Variants in DYM observed in about 807,000 individuals in gnomAD.
DYM encodes the protein dyggve-Melchior-Clausen syndrome protein.
Under a neutral mutation model 93.1 loss-of-function variants are expected in DYM, and 78 were observed. That is an observed-to-expected ratio of 0.84 (90% CI 0.70 to 1.01). The LOEUF (loss-of-function observed/expected upper bound fraction) is 1.01, where lower values mean the gene tolerates loss of function less well. Ranked by LOEUF, DYM falls within the 50% of genes least tolerant of loss-of-function variation. The pLI is 0.00. For missense variants in DYM, 789 were observed against 845.0 expected, an observed-to-expected ratio of 0.93 and a Z score of 0.82; for synonymous variants, 321 against 319.7, an observed-to-expected ratio of 1.00 and a Z score of -0.04.
At chr18:49,144,063 T>G (rs763533226) in intron 15 of DYM, among the ~76,000 whole-genome samples, 6 of 152,122 alleles carry the variant, frequency 3.9e-5, no homozygotes, top group Non-Finnish European at 8.8e-5. Flanking sequence ...CTAATTAGGT[T>G]TTAAAAAAAG....
intron 17 of DYM, among the ~76,000 whole-genome samples, chr18:49,080,784 C>T (rs535087417): frequency 9.0e-5 from 13 of 143,774 alleles, no homozygotes; most frequent in East Asian, 8.9e-4. Context: ...ACTTCTCAGA[C>T]GGGGCGGATG....
At chr18:49,161,034 A>G (rs1171304185) in intron 15 of DYM, among the ~76,000 whole-genome samples, 3 of 152,152 alleles carry the variant, frequency 2.0e-5, no homozygotes, top group Non-Finnish European at 4.4e-5. Flanking sequence ...CAAGTTCATA[A>G]ACCCATTTGG....
rs957252242 is a variant in DYM, at chr18:49,164,455, G to A, written c.1626-668C>T. On this transcript the variant is annotated intron_variant, in intron 14 of 17. Coordinates refer to ENST00000675505, the MANE Select transcript of DYM (RefSeq NM_001353214.3). ...CCCCATAATGGTGAGCTTCTGTCTC[G>A]AGGAACATTGCAGACTATGGTCCAG... is the stretch of plus-strand genomic sequence containing the variant. Among the ~76,000 whole-genome samples, 11 of 152,248 alleles carry A rather than the reference G, an allele frequency of 7.2e-5. 1 individual carries two copies. The East Asian group carries it at 1.2e-3, about 16-fold the overall frequency.
At position 49,289,761 on chromosome 18, in the gene DYM, A is replaced by ATATATATACG. The variant is rs1568181283; in HGVS notation, c.764-3146_764-3145insCGTATATATA. Among the ~76,000 whole-genome samples the ATATATATACG allele has an allele frequency of 5.9e-3, 340 of 57,386 alleles. 4 individuals carry two copies. The highest frequency in any genetic ancestry group is 0.025 in the African/African-American group (330 of 13,202). The allele number at this position is 57,386 out of a possible 152,430, so 37.6% of individuals were successfully genotyped here. A position where few individuals can be genotyped will look rare whatever the true frequency, so the allele number is the denominator to read the frequency against. On this transcript the variant is annotated intron_variant, in intron 8 of 17. Transcript: ENST00000675505. ...TATATATATATATATATATATATAT[A>ATATATATACG]TATATATATATACACATATATATAT...
At chr18:49,259,937 G>C (rs1347908931) in intron 11 of DYM, among the ~76,000 whole-genome samples, 2 of 152,098 alleles carry the variant, frequency 1.3e-5, no homozygotes, top group Non-Finnish European at 2.9e-5. Flanking sequence ...ACTGAACAGG[G>C]AGAGCAAACA....
chr18:49,199,704 T>C (rs960786933), intron 14 of DYM, among the ~76,000 whole-genome samples: 1 of 152,212 alleles, frequency 6.6e-6, no homozygotes, highest in Non-Finnish European at 1.5e-5. Context: ...TATTTATTCA[T>C]TACAGATTAA....
rs150370062 is a variant in DYM, at chr18:49,428,984, T to C, written c.140+1271A>G. ...CTTACAGTTCTGTAGGTCAGAAGTC[T>C]GACACTCAATGAGCTAAGATCAGGA... On this transcript the variant is annotated intron_variant, in intron 2 of 17. Coordinates refer to ENST00000675505, the MANE Select transcript of DYM (RefSeq NM_001353214.3). Among the ~76,000 whole-genome samples, 925 of 152,358 alleles carry C rather than the reference T, an allele frequency of 6.1e-3. 5 individuals are homozygous for C. The highest frequency in any genetic ancestry group is 0.01 in the Non-Finnish European group (700 of 68,026).
At chr18:49,417,148 T>G (rs1327499084) in intron 2 of DYM, among the ~76,000 whole-genome samples, 1 of 152,040 alleles carries the variant, frequency 6.6e-6, no homozygotes, top group Non-Finnish European at 1.5e-5. Context: ...AGCGGTGGTG[T>G]TGGTGGTGGT....
chr18:49,391,468 T>C lies in DYM; in HGVS notation c.193+125A>G, dbSNP rs1036408639. 7.5e-4 allele frequency: 756 copies of C among 1,010,718 alleles called. 3 individuals carry two copies. Among genetic ancestry groups the C allele is most frequent in the Admixed American group, 1.3e-3 (70 of 55,378 alleles). The allele number at this position is 1,010,718 out of a possible 1,614,324, so 62.6% of individuals were successfully genotyped here. ...TAGCAGCATCTGTGAATGCCACAAA[T>C]AGAAAAAATTATTACTATTGCTATC... On this transcript the variant is annotated intron_variant, in intron 3 of 17. Coordinates refer to ENST00000675505, the MANE Select transcript of DYM (RefSeq NM_001353214.3).
chr18:49,430,449 T>A lies in DYM; in HGVS notation c.-53-2A>T. 1 of 1,603,602 alleles carries A rather than the reference T, an allele frequency of 6.2e-7. No individual in the cohort carries two copies. The highest frequency in any genetic ancestry group is 1.1e-5 in the South Asian group (1 of 90,520). ...AAACCTGCATTTCCAAAAGACAACC[T>A]ATAAAAAATAAAAATAAAAACTTTA... On this transcript the variant is annotated splice_acceptor_variant, in intron 1 of 17. Transcript: ENST00000675505. LOFTEE classifies it low-confidence loss of function (5UTR_SPLICE).
At chr18:49,147,001 T>C (rs1168885446) in intron 15 of DYM, among the ~76,000 whole-genome samples, 5 of 152,156 alleles carry the variant, frequency 3.3e-5, no homozygotes, top group Admixed American at 2.0e-4. Flanking sequence ...AACAGAGACA[T>C]AGACCAATGG....
At chr18:49,167,052 T>A (rs2087992940) in intron 14 of DYM, among the ~76,000 whole-genome samples, 1 of 150,500 alleles carries the variant, frequency 6.6e-6, no homozygotes, top group Non-Finnish European at 1.5e-5. Flanking sequence ...GTGTCCCCTA[T>A]TAGTGCACTA....
At chr18:49,080,992 C>T (rs562854526) in intron 17 of DYM, among the ~76,000 whole-genome samples, 172 of 149,986 alleles carry the variant, frequency 1.1e-3, no homozygotes, top group African/African-American at 4.0e-3. Flanking sequence ...GGATGGCGGC[C>T]GGGCAGAGAC....
chr18:49,387,479 T>C (rs1315065945), intron 3 of DYM, among the ~76,000 whole-genome samples: 3 of 151,668 alleles, frequency 2.0e-5, no homozygotes, highest in Admixed American at 6.6e-5. Flanking sequence ...TTTCACTGTG[T>C]TGGCCAGGCT....
At chr18:49,393,863 T>C (rs994780437) in intron 2 of DYM, 3 of 152,228 alleles carry the variant, frequency 2.0e-5, no homozygotes, top group Admixed American at 1.3e-4. Flanking sequence ...GACATTATGC[T>C]AAGTGAAATA....
intron 2 of DYM, among the ~76,000 whole-genome samples, chr18:49,392,908 T>C (rs1242559270): frequency 2.0e-5 from 3 of 148,714 alleles, no homozygotes; most frequent in South Asian, 4.2e-4. Flanking sequence ...AGCAGGAGAA[T>C]TGCTTGAACC....
intron 17 of DYM, among the ~76,000 whole-genome samples, chr18:49,076,994 C>T (rs1049845832): frequency 2.0e-5 from 3 of 152,176 alleles, no homozygotes; most frequent in African/African-American, 4.8e-5. Context: ...CTGCACAACA[C>T]GGGAGCTTCA....
intron 11 of DYM, 109 bp downstream of exon 11, chr18:49,272,069 G>A: frequency 1.1e-6 from 1 of 912,416 alleles, no homozygotes; most frequent in Non-Finnish European, 1.7e-6. Context: ...TTCTAATACA[G>A]GTTCTCACAG....
intron 6 of DYM, among the ~76,000 whole-genome samples, chr18:49,358,725 G>T (rs2065774061): frequency 6.6e-6 from 1 of 152,086 alleles, no homozygotes; most frequent in Admixed American, 6.5e-5. Context: ...ATAGAAAGAG[G>T]CCTACTCTGA....
Sources: allele counts gnomAD v4.1 joint callset (sites outside exome capture counted in the v4.1 genomes callset), GRCh38; gene constraint gnomAD v4.1.1; transcripts MANE v1.5; gene names NCBI Gene and HGNC (gene_info 2026-07-23, HGNC 2026-07-21).